Variants in CACNB4 observed in about 807,000 individuals in gnomAD.
The protein encoded by CACNB4 is voltage-dependent L-type calcium channel subunit beta-4.
Under a neutral mutation model 71.2 loss-of-function variants are expected in CACNB4, and 32 were observed. That is an observed-to-expected ratio of 0.45 (90% CI 0.34 to 0.60). CACNB4 has a LOEUF of 0.60. Among genes scored for constraint, CACNB4 ranks in the 20% least tolerant of loss-of-function variants. The pLI is 0.01. For synonymous variants in CACNB4, 231 were observed against 236.9 expected, an observed-to-expected ratio of 0.97 and a Z score of 0.23; for missense variants, 464 against 647.9, an observed-to-expected ratio of 0.72 and a Z score of 3.08.
intron 2 of CACNB4, among the ~76,000 whole-genome samples, chr2:152,024,331 T>A (rs1299221573): frequency 1.3e-5 from 2 of 152,276 alleles, no homozygotes; most frequent in African/African-American, 2.4e-5. Context: ...AAAAAAGAAC[T>A]AATTGTTTAC....
At chr2:151,842,172 G>A (rs902114539) in intron 12 of CACNB4, 84 bp from the exon 13 acceptor site, 4 of 1,150,822 alleles carry the variant, frequency 3.5e-6, no homozygotes, top group Non-Finnish European at 5.1e-6. Flanking sequence ...ACAGATAATA[G>A]CATTTTTAAT....
At chr2:152,011,553 A>C (rs1683058907) in intron 2 of CACNB4, among the ~76,000 whole-genome samples, 1 of 152,218 alleles carries the variant, frequency 6.6e-6, no homozygotes, top group Non-Finnish European at 1.5e-5. Flanking sequence ...CCTGGGTAGA[A>C]TATCTCTTTT....
chr2:151,968,823 C>T (rs1470614813), intron 2 of CACNB4: 1 of 152,146 alleles, frequency 6.6e-6, no homozygotes, highest in Non-Finnish European at 1.5e-5. Context: ...GAAAAGGAGA[C>T]ATGGAAGTAC....
intron 2 of CACNB4, among the ~76,000 whole-genome samples, chr2:151,922,096 T>C (rs1264992762): frequency 6.6e-6 from 1 of 152,230 alleles, no homozygotes; most frequent in African/African-American, 2.4e-5. Context: ...CTCTCTCTTC[T>C]GCCTCCCTCT....
chr2:151,968,838 C>A (rs2099871803), intron 2 of CACNB4: 1 of 152,024 alleles, frequency 6.6e-6, no homozygotes, highest in Non-Finnish European at 1.5e-5. Context: ...AAGTACCTGG[C>A]GAGGATTGAT....
At chr2:152,082,195 T>C (rs1442967122) in intron 2 of CACNB4, among the ~76,000 whole-genome samples, 2 of 152,242 alleles carry the variant, frequency 1.3e-5, no homozygotes, top group East Asian at 3.8e-4. Context: ...CATCCTTTCA[T>C]GCTGCATGCA....
chr2:152,085,548 T>C (rs1236250808), intron 2 of CACNB4, among the ~76,000 whole-genome samples: 1 of 152,028 alleles, frequency 6.6e-6, no homozygotes, highest in Non-Finnish European at 1.5e-5. Context: ...ATCCTCCCAC[T>C]CCTACCTTCC....
In CACNB4 at chr2:151,839,293, G is replaced by A. The variant is rs1165769150; in HGVS notation, c.1389C>T (p.His463=). Residue 463 remains histidine, a synonymous_variant, in exon 14 of 14, where the codon CAC becomes CAT. Transcript: ENST00000539935. ...RSLMTSDENY[H]NERARKSRNR... is the part of the protein sequence containing the mutation. Reference sequence around the variant, plus strand: ...TCCTACTCTTCCGAGCCCTTTCATTGTGATAATTTTCATCAGAGGTCATTA... The same window carrying A: ...TCCTACTCTTCCGAGCCCTTTCATTATGATAATTTTCATCAGAGGTCATTA... 15 of 1,613,444 alleles carry A rather than the reference G, an allele frequency of 9.3e-6. No individual in the cohort carries two copies. Among genetic ancestry groups the A allele is most frequent in the Non-Finnish European group, 1.3e-5 (15 of 1,179,524 alleles).
At chr2:152,065,209 C>G (rs551046883) in intron 2 of CACNB4, among the ~76,000 whole-genome samples, 97 of 152,144 alleles carry the variant, frequency 6.4e-4, no homozygotes, top group African/African-American at 2.3e-3. Context: ...ATGGTGAAAC[C>G]CTGTCTCTAC....
Position 152,005,319 on chromosome 2 carries a change from C to T in CACNB4, c.147+93011G>A, listed in dbSNP as rs554823536. 3.4e-4 allele frequency among the ~76,000 whole-genome samples: 52 copies of T among 152,306 alleles called. 1 individual carries two copies. In the South Asian group the frequency reaches 3.9e-3, roughly 12 times the overall value. Reference sequence around the variant, plus strand: ...AGACAAAGAAAACGTGGGACATATACATCAGGGAATACTAGGCAGTCATAA... The same window carrying T: ...AGACAAAGAAAACGTGGGACATATATATCAGGGAATACTAGGCAGTCATAA... On this transcript the variant is annotated intron_variant, in intron 2 of 13. Transcript: ENST00000539935.
intron 2 of CACNB4, among the ~76,000 whole-genome samples, chr2:151,941,194 T>C (rs2099864137): frequency 6.6e-6 from 1 of 152,320 alleles, no homozygotes; most frequent in African/African-American, 2.4e-5. Flanking sequence ...AAATGCCTAT[T>C]TGAGCATCTT....
intron 2 of CACNB4, among the ~76,000 whole-genome samples, chr2:152,054,856 G>T (rs1459391233): frequency 6.6e-6 from 1 of 152,034 alleles, no homozygotes; most frequent in African/African-American, 2.4e-5. Context: ...GTGATTATTG[G>T]CCACTGGTAT....
chr2:151,965,910 A>G (rs2099870972), intron 2 of CACNB4, among the ~76,000 whole-genome samples: 1 of 152,196 alleles, frequency 6.6e-6, no homozygotes, highest in South Asian at 2.1e-4. Context: ...ACTCTACTCA[A>G]AGATATGTAC....
intron 8 of CACNB4, 96 bp from the exon 9 acceptor site, chr2:151,869,331 G>T: frequency 1.4e-6 from 1 of 714,530 alleles, no homozygotes; most frequent in Non-Finnish European, 2.5e-6. Context: ...GGTACTATGA[G>T]CCAAGACCTT....
chr2:151,841,933 T>C lies in CACNB4; in HGVS notation c.1272A>G (p.Ser424=), dbSNP rs767662214. 5.6e-6 allele frequency: 9 copies of C among 1,613,926 alleles called. No individual in the cohort carries two copies. In the East Asian group the frequency reaches 1.8e-4, roughly 32 times the overall value. ...LGRNLGSTAL[S]PYPTAISGLQ... Reference sequence around the variant, plus strand: ...ACCCAGAAATTGCTGTGGGATATGGTGAGAGTGCCGTGGAGCCCAAATTCC... The same window carrying C: ...ACCCAGAAATTGCTGTGGGATATGGCGAGAGTGCCGTGGAGCCCAAATTCC... The change falls in exon 13 of 14, where the codon TCA becomes TCG. Residue 424 remains serine, a synonymous_variant. Transcript: ENST00000539935.
intron 2 of CACNB4, among the ~76,000 whole-genome samples, chr2:151,888,220 C>G (rs1252418711): frequency 1.3e-5 from 2 of 151,994 alleles, no homozygotes; most frequent in Non-Finnish European, 2.9e-5. Flanking sequence ...TTAGGCAAAT[C>G]GTAAAATTAC....
intron 2 of CACNB4, among the ~76,000 whole-genome samples, chr2:151,893,195 G>A (rs556815250): frequency 6.6e-6 from 1 of 152,024 alleles, no homozygotes; most frequent in African/African-American, 2.4e-5. Context: ...CCAGTTAATA[G>A]TGTTGGGAAA....
chr2:151,875,653 CGGCTGGCCGGGT>C (rs2099845876), intron 5 of CACNB4, among the ~76,000 whole-genome samples: 2 of 131,386 alleles, frequency 1.5e-5, no homozygotes, highest in Admixed American at 7.3e-5. Flanking sequence ...CCGGACGGGG[CGGCTGGCCGGGT>C]GGGGGGCTGA....
At chr2:151,905,540 A>C (rs2099854573) in intron 2 of CACNB4, among the ~76,000 whole-genome samples, 1 of 152,240 alleles carries the variant, frequency 6.6e-6, no homozygotes, top group Non-Finnish European at 1.5e-5. Flanking sequence ...CTACAAAAAT[A>C]ATATGATAGA....
Sources: allele counts gnomAD v4.1 joint callset (sites outside exome capture counted in the v4.1 genomes callset), GRCh38; gene constraint gnomAD v4.1.1; transcripts MANE v1.5; gene names NCBI Gene and HGNC (gene_info 2026-07-23, HGNC 2026-07-21).